Variants in CDH23 observed in about 807,000 individuals in gnomAD.
CDH23 encodes cadherin-23.
CDH23 carries 189 observed loss-of-function variants against 317.1 expected under a neutral mutation model. That is an observed-to-expected ratio of 0.60 (90% CI 0.53 to 0.67). The LOEUF is 0.67. Ranked by LOEUF, CDH23 falls within the 30% of genes least tolerant of loss-of-function variation. The probability of loss-of-function intolerance (pLI) is 0.00; values close to 1 mark genes in which losing one functional copy is unlikely to be tolerated. For synonymous variants in CDH23, 1,839 were observed against 1,876.8 expected, an observed-to-expected ratio of 0.98 and a Z score of 0.52; for missense variants, 4,401 against 4,592.4, an observed-to-expected ratio of 0.96 and a Z score of 1.20.
At chr10:71,651,305 G>A (rs1863156052) in intron 14 of CDH23, among the ~76,000 whole-genome samples, 1 of 150,962 alleles carries the variant, frequency 6.6e-6, no homozygotes, top group Non-Finnish European at 1.5e-5. Context: ...CAAGGCAACT[G>A]GATCACTTGC....
At chr10:71,589,373 C>T (rs10999902) in intron 9 of CDH23, among the ~76,000 whole-genome samples, 40,838 of 152,162 alleles carry the variant, frequency 0.27, 6,559 homozygotes, top group Non-Finnish European at 0.38. Context: ...CCACCTTGGC[C>T]TCCGAAAGTG....
At position 71,771,734 on chromosome 10, in the gene CDH23, T is replaced by C. The variant is rs1840690428; in HGVS notation, c.4846-5946T>C. On this transcript the variant is annotated intron_variant, in intron 38 of 69. Transcript: ENST00000224721. Reference sequence around the variant, plus strand: ...CCATGTTGTTTGAGTAGCCAAGACCTCTGGGAGTAAAGGCCCCTGGCCATA... The same window carrying C: ...CCATGTTGTTTGAGTAGCCAAGACCCCTGGGAGTAAAGGCCCCTGGCCATA... Among the ~76,000 whole-genome samples the C allele has an allele frequency of 1.3e-5, 2 of 152,182 alleles. 1 individual carries two copies. Among genetic ancestry groups the C allele is most frequent in the South Asian group, 4.1e-4 (2 of 4,836 alleles).
At chr10:71,731,359 G>A (rs1403840301) in intron 31 of CDH23, among the ~76,000 whole-genome samples, 1 of 152,246 alleles carries the variant, frequency 6.6e-6, no homozygotes, top group Non-Finnish European at 1.5e-5. Context: ...ATGGGATGGG[G>A]TGGAGGGAGG....
At chr10:71,406,660 A>G (rs765520135) in intron 1 of CDH23, among the ~76,000 whole-genome samples, 2 of 152,160 alleles carry the variant, frequency 1.3e-5, no homozygotes, top group Non-Finnish European at 2.9e-5. Context: ...GAATCTAAAC[A>G]TCGAGATTAA....
At chr10:71,527,511 G>A (rs1855109221) in intron 6 of CDH23, among the ~76,000 whole-genome samples, 2 of 152,230 alleles carry the variant, frequency 1.3e-5, no homozygotes, top group African/African-American at 2.4e-5. Flanking sequence ...AGTGTGGGAT[G>A]TGTGTGCTGT....
In CDH23 at chr10:71,718,906, G is replaced by GAA. The variant is rs78421738; in HGVS notation, c.3370-5128_3370-5127dup. Among the ~76,000 whole-genome samples, 271 of 139,106 alleles carry GAA rather than the reference G, an allele frequency of 1.9e-3. 1 individual carries two copies. The highest frequency in any genetic ancestry group is 6.7e-3 in the African/African-American group (255 of 38,142). 91.3% of individuals were successfully genotyped at this position (139,106 alleles called of 152,430 possible). ...ACATAGTGAGTCTTCATTTCTGAAAGAAAAAAAAAAAAGGTTTTTTAATTA... is the reference window on the plus strand; with the variant it reads ...ACATAGTGAGTCTTCATTTCTGAAAGAAAAAAAAAAAAAAGGTTTTTTAATTA... On this transcript the variant is annotated intron_variant, in intron 28 of 69. Transcript: ENST00000224721.
chr10:71,761,005 T>A, intron 38 of CDH23: 1 of 1,427,874 alleles, frequency 7.0e-7, no homozygotes, highest in Non-Finnish European at 9.9e-7. Context: ...AGTGTCCCCC[T>A]CCTGCCCCAG....
chr10:71,811,215 G>C, intron 62 of CDH23, 100 bp from the exon 63 acceptor site: 1 of 1,566,108 alleles, frequency 6.4e-7, no homozygotes, highest in Non-Finnish European at 8.8e-7. Flanking sequence ...GCAAGGCTTG[G>C]GGTTGTTGAA....
intron 38 of CDH23, among the ~76,000 whole-genome samples, chr10:71,761,308 T>C (rs982842037): frequency 6.6e-6 from 1 of 152,200 alleles, no homozygotes; most frequent in South Asian, 2.1e-4. Context: ...GCAGCCATGA[T>C]GTCATCATGA....
At chr10:71,680,114 C>T (rs1372858290) in intron 17 of CDH23, among the ~76,000 whole-genome samples, 2 of 152,350 alleles carry the variant, frequency 1.3e-5, no homozygotes, top group South Asian at 4.1e-4. Context: ...TCTCAGCAGC[C>T]CTTGCCCCAC....
intron 47 of CDH23, among the ~76,000 whole-genome samples, chr10:71,792,852 A>AATATATATATATATATATATATATATAT (rs1554874675): frequency 7.8e-5 from 3 of 38,520 alleles, no homozygotes; most frequent in Admixed American, 3.9e-4. Flanking sequence ...AAAAAAAAAA[A>AATATATATATATATATATATATATATAT]ATATATATAT....
At position 71,813,145 on chromosome 10, in the gene CDH23, A is replaced by T. The variant is rs966439443; in HGVS notation, c.9634-99A>T. On this transcript the variant is annotated intron_variant, in intron 68 of 69. Transcript: ENST00000224721. ...GATCCTCTGCCCTAGGATCACCAGG[A>T]TCAGATGTCCGTGTACCCCTTACTC... 2.0e-5 allele frequency: 25 copies of T among 1,231,334 alleles called. No individual in the cohort carries two copies. In the Admixed American group the frequency reaches 3.6e-4, roughly 18 times the overall value. The allele number at this position is 1,231,334 out of a possible 1,614,324, so 76.3% of individuals were successfully genotyped here. A position where few individuals can be genotyped will look rare whatever the true frequency, so the allele number is the denominator to read the frequency against.
chr10:71,521,072 T>G (rs375026126), intron 6 of CDH23, among the ~76,000 whole-genome samples: 45 of 152,088 alleles, frequency 3.0e-4, no homozygotes, highest in African/African-American at 1.1e-3. Flanking sequence ...TAACCTTAAG[T>G]GGAAGCCACC....
intron 14 of CDH23, among the ~76,000 whole-genome samples, chr10:71,661,155 G>A (rs951064258): frequency 1.3e-5 from 2 of 152,166 alleles, no homozygotes; most frequent in East Asian, 3.8e-4. Flanking sequence ...GCCCCCTCAT[G>A]GAGACTGAAC....
chr10:71,643,773 T>C (rs1862689043), intron 11 of CDH23, 88 bp from the exon 12 acceptor site: 3 of 752,756 alleles, frequency 4.0e-6, no homozygotes, highest in Non-Finnish European at 7.3e-6. Flanking sequence ...TCACTGTCTT[T>C]TCTCTCTGGT....
At chr10:71,559,831 G>A (rs1857039750) in intron 6 of CDH23, among the ~76,000 whole-genome samples, 2 of 152,254 alleles carry the variant, frequency 1.3e-5, no homozygotes, top group South Asian at 4.1e-4. Flanking sequence ...GTAGAAAGAA[G>A]AGATGTCGTC....
At chr10:71,620,402 AG>A (rs1262034026) in intron 11 of CDH23, among the ~76,000 whole-genome samples, 4 of 152,140 alleles carry the variant, frequency 2.6e-5, no homozygotes, top group African/African-American at 9.7e-5. Flanking sequence ...GAGTGCCACC[AG>A]ATGTAAGGCC....
chr10:71,710,869 G>A (rs1312397559), intron 27 of CDH23, among the ~76,000 whole-genome samples: 1 of 152,216 alleles, frequency 6.6e-6, no homozygotes, highest in East Asian at 1.9e-4. Flanking sequence ...ATCAGGTAGG[G>A]CCATGTGTGG....
intron 41 of CDH23, among the ~76,000 whole-genome samples, chr10:71,781,329 A>G (rs550478886): frequency 2.0e-5 from 3 of 152,304 alleles, no homozygotes; most frequent in Admixed American, 2.0e-4. Flanking sequence ...TCGGATCCCA[A>G]AGTCTCCTCT....
Sources: gnomAD v4.1 joint callset for allele counts (sites outside exome capture counted in the v4.1 genomes callset) on GRCh38, gnomAD v4.1.1 for gene constraint, MANE v1.5 for transcripts, NCBI Gene and HGNC (gene_info 2026-07-23, HGNC 2026-07-21) for gene names.